Variants in NBEA observed in about 807,000 individuals in gnomAD.
NBEA encodes the protein lysosomal-trafficking regulator 2.
A neutral mutation model predicts 343.4 loss-of-function variants in NBEA; 44 were observed. That is an observed-to-expected ratio of 0.13 (90% CI 0.10 to 0.16). The LOEUF is 0.16. Among genes scored for constraint, NBEA ranks in the 10% least tolerant of loss-of-function variants. The probability of loss-of-function intolerance (pLI) is 1.00; values close to 1 mark genes in which losing one functional copy is unlikely to be tolerated. For missense variants in NBEA, 2,555 were observed against 3,631.3 expected (o/e 0.70, Z 7.62); for synonymous variants, 1,175 against 1,238.7 (o/e 0.95, Z 1.08).
chr13:35,449,085 G>A (rs1371789661), intron 39 of NBEA, among the ~76,000 whole-genome samples: 6 of 152,162 alleles, frequency 3.9e-5, no homozygotes, highest in Admixed American at 2.6e-4. Context: ...GCTATAAGTG[G>A]TCCAATATTG....
At chr13:34,976,278 C>T (rs2060170908) in intron 1 of NBEA, among the ~76,000 whole-genome samples, 1 of 152,148 alleles carries the variant, frequency 6.6e-6, no homozygotes, top group African/African-American at 2.4e-5. Flanking sequence ...TCTCAGCAAC[C>T]TGGATGGACT....
At chr13:35,161,038 G>A (rs1396217700) in intron 22 of NBEA, among the ~76,000 whole-genome samples, 1 of 152,020 alleles carries the variant, frequency 6.6e-6, no homozygotes, top group African/African-American at 2.4e-5. Flanking sequence ...TATCGTGTGT[G>A]GGGAAAGTAT....
rs1422355070 is a variant in NBEA at position 35,654,896 on chromosome 13, G to A, written c.8077G>A (p.Val2693Ile). ...AAACAAACGGCAGATCACAGACCTCGTTGACCAGAGTATACAAATCAATGC... is the reference window on the plus strand; with the variant it reads ...AAACAAACGGCAGATCACAGACCTCATTGACCAGAGTATACAAATCAATGC... The part of the protein sequence containing the change: ...GVNKRQITDL[V>I]DQSIQINAHC... The change falls in exon 54 of 59, where the codon GTT becomes ATT. Residue 2693 changes from valine to isoleucine, a missense_variant. Coordinates refer to ENST00000379939, the MANE Select transcript of NBEA (RefSeq NM_001385012.1). 9 of 1,585,280 alleles carry A rather than the reference G, an allele frequency of 5.7e-6. No homozygotes were observed. The highest frequency in any genetic ancestry group is 1.4e-5 in the African/African-American group (1 of 73,200).
intron 41 of NBEA, among the ~76,000 whole-genome samples, chr13:35,493,041 T>A (rs2076553653): frequency 6.6e-6 from 1 of 151,880 alleles, no homozygotes; most frequent in Non-Finnish European, 1.5e-5. Flanking sequence ...ATCAAAGAAT[T>A]TTAAGATTAA....
At chr13:35,585,660 T>C (rs2081262105) in intron 46 of NBEA, among the ~76,000 whole-genome samples, 1 of 152,034 alleles carries the variant, frequency 6.6e-6, no homozygotes, top group Non-Finnish European at 1.5e-5. Context: ...AAGTGCCTAC[T>C]AGATATTTCT....
At chr13:35,156,426 A>G (rs1056910806) in intron 20 of NBEA, among the ~76,000 whole-genome samples, 2 of 152,124 alleles carry the variant, frequency 1.3e-5, no homozygotes, top group South Asian at 2.1e-4. Flanking sequence ...TTAATTGTAT[A>G]TATGAATATA....
chr13:35,623,089 C>T lies in NBEA; in HGVS notation c.7450-4992C>T, dbSNP rs575861316. ...TGGGAATTGGTTTATCTAGGCTTAA[C>T]GCAATTGCTTCTGCCTTTAGATATG... On this transcript the variant is annotated intron_variant, in intron 48 of 58. Transcript: ENST00000379939. Among the ~76,000 whole-genome samples the T allele has an allele frequency of 4.0e-3, 609 of 152,202 alleles. 2 individuals are homozygous for T. The highest frequency in any genetic ancestry group is 5.5e-3 in the Non-Finnish European group (374 of 68,014).
At chr13:35,301,619 T>C (rs1160237827) in intron 35 of NBEA, among the ~76,000 whole-genome samples, 2 of 152,216 alleles carry the variant, frequency 1.3e-5, no homozygotes, top group Non-Finnish European at 2.9e-5. Context: ...TCCACATCTT[T>C]GCTATTGTAA....
intron 36 of NBEA, among the ~76,000 whole-genome samples, chr13:35,348,339 T>A (rs2039998515): frequency 6.6e-6 from 1 of 152,082 alleles, no homozygotes. Context: ...ATATTTGTAT[T>A]TTTATTTATA....
chr13:35,025,333 AT>A (rs112051861), intron 1 of NBEA, among the ~76,000 whole-genome samples: 6,566 of 152,076 alleles, frequency 0.043, 253 homozygotes, highest in African/African-American at 0.099. Flanking sequence ...TCTTGAGTTG[AT>A]TTTTTGTGTA....
chr13:35,242,537 A>T (rs1047904462), intron 34 of NBEA, among the ~76,000 whole-genome samples: 15 of 151,926 alleles, frequency 9.9e-5, no homozygotes, highest in African/African-American at 3.1e-4. Context: ...GGAATCAGAC[A>T]TACGAACTGA....
At chr13:35,454,408 C>T (rs577985483) in intron 40 of NBEA, among the ~76,000 whole-genome samples, 4 of 152,172 alleles carry the variant, frequency 2.6e-5, no homozygotes, top group African/African-American at 9.6e-5. Flanking sequence ...ACTGTTTTTG[C>T]CCTAAGCAAT....
At chr13:35,494,883 T>G (rs1002872110) in intron 41 of NBEA, among the ~76,000 whole-genome samples, 2 of 151,582 alleles carry the variant, frequency 1.3e-5, no homozygotes, top group African/African-American at 4.8e-5. Flanking sequence ...AGTGGCACAT[T>G]CCTGTAGTCC....
chr13:35,180,375 T>C (rs2071227958), intron 28 of NBEA, among the ~76,000 whole-genome samples: 1 of 151,778 alleles, frequency 6.6e-6, no homozygotes, highest in African/African-American at 2.4e-5. Context: ...TACTTATTGT[T>C]TCCCTGAAAT....
chr13:35,081,746 G>A (rs1593279421), intron 10 of NBEA, among the ~76,000 whole-genome samples: 1 of 151,928 alleles, frequency 6.6e-6, no homozygotes, highest in South Asian at 2.1e-4. Context: ...AGTGAATCTT[G>A]TTTTTAAGAG....
chr13:35,429,692 G>T (rs138215874), intron 38 of NBEA, among the ~76,000 whole-genome samples: 63 of 152,086 alleles, frequency 4.1e-4, no homozygotes, highest in African/African-American at 1.5e-3. Context: ...TATTTAAGTG[G>T]TGACTTCTGA....
Position 35,116,888 on chromosome 13 carries a change from A to G in NBEA, c.2003-526A>G, listed in dbSNP as rs1249888603. Among the ~76,000 whole-genome samples, 6 of 152,210 alleles carry G rather than the reference A, an allele frequency of 3.9e-5. No individual in the cohort carries two copies. The East Asian group carries it at 1.2e-3, about 29-fold the overall frequency. On this transcript the variant is annotated intron_variant, in intron 13 of 58. Transcript: ENST00000379939. ...ATTTTATACTCATTTTCACTTATTG[A>G]CGCAGCATAAATGCCCACTATAATA...
At position 34,984,594 on chromosome 13, in the gene NBEA, G is replaced by A. The variant is rs1055712387; in HGVS notation, c.294+41480G>A. 1.3e-5 allele frequency among the ~76,000 whole-genome samples: 2 copies of A among 149,108 alleles called. 1 individual carries two copies. The highest frequency in any genetic ancestry group is 3.0e-5 in the Non-Finnish European group (2 of 66,270). ...AATTCTGTGAAGAAAGTCACTGATA[G>A]CTTGATGGGGATGGCATTGAATCTA... On this transcript the variant is annotated intron_variant, in intron 1 of 58. Coordinates refer to ENST00000379939, the MANE Select transcript of NBEA (RefSeq NM_001385012.1).
At chr13:35,084,190 A>G (rs1343189940) in intron 10 of NBEA, among the ~76,000 whole-genome samples, 2 of 152,110 alleles carry the variant, frequency 1.3e-5, no homozygotes, top group Admixed American at 1.3e-4. Context: ...TAACAAGGAT[A>G]TCCAGGAACT....
Sources: allele counts gnomAD v4.1 joint callset (sites outside exome capture counted in the v4.1 genomes callset), GRCh38; gene constraint gnomAD v4.1.1; transcripts MANE v1.5; gene names NCBI Gene and HGNC (gene_info 2026-07-23, HGNC 2026-07-21).